NTMT1: variants seen among roughly 807,000 people sequenced by gnomAD.
NTMT1 encodes the protein N-terminal Xaa-Pro-Lys N-methyltransferase 1, also known as N-terminal RCC1 methyltransferase.
In NTMT1, 8 loss-of-function variants were observed where a neutral mutation model predicts 17.5. The observed-to-expected ratio is 0.46, with a 90% CI of 0.27 to 0.82. The LOEUF (loss-of-function observed/expected upper bound fraction) is 0.82, where lower values mean the gene tolerates loss of function less well. Ranked by LOEUF, NTMT1 falls within the 40% of genes least tolerant of loss-of-function variation. NTMT1 has a pLI of 0.15. For missense variants in NTMT1, 221 were observed against 303.5 expected (o/e 0.73, Z 2.02); for synonymous variants, 128 against 126.8 (o/e 1.01, Z -0.06).
upstream of NTMT1, among the ~76,000 whole-genome samples, chr9:129,623,264 C>T (rs10819550): frequency 0.5 from 74,155 of 149,398 alleles, 19,318 homozygotes; most frequent in Non-Finnish European, 0.6. Context: ...ACCCAGGAGG[C>T]GGAGCTTGCA....
chr9:129,617,400 C>G (rs530530336), intron 1 of NTMT1, among the ~76,000 whole-genome samples: 1 of 152,342 alleles, frequency 6.6e-6, no homozygotes, highest in African/African-American at 2.4e-5. Flanking sequence ...GCTCTGCCCA[C>G]CTGCCTGAAA....
Position 129,632,689 on chromosome 9 carries a change from G to T in NTMT1, c.-15G>T, listed in dbSNP as rs1160760739. ...CTGATCGTGGTGCTTGAGTAGAGCC[G>T]TGGTTGGTGACAGCATGACGAGCGA... is the stretch of plus-strand genomic sequence containing the variant. On this transcript the variant is annotated 5_prime_UTR_variant, in exon 2 of 4. Coordinates refer to ENST00000372483, the MANE Select transcript of NTMT1 (RefSeq NM_014064.4). The T allele has an allele frequency of 1.9e-6, 3 of 1,613,698 alleles. No individual in the cohort carries two copies. The Admixed American group carries it at 5.0e-5, about 27-fold the overall frequency.
chr9:129,610,514 G>T (rs1226301975), intron 1 of NTMT1, among the ~76,000 whole-genome samples: 1 of 151,980 alleles, frequency 6.6e-6, no homozygotes. Flanking sequence ...CCCCCCACCC[G>T]CCAGGGCCGG....
intron 1 of NTMT1, among the ~76,000 whole-genome samples, chr9:129,626,807 C>T (rs1292803113): frequency 6.6e-6 from 1 of 152,228 alleles, no homozygotes; most frequent in Non-Finnish European, 1.5e-5. Flanking sequence ...AGAGCCCTTG[C>T]GGCCAAGGTC....
At chr9:129,629,310 G>A (rs924114450) in intron 1 of NTMT1, among the ~76,000 whole-genome samples, 1 of 152,174 alleles carries the variant, frequency 6.6e-6, no homozygotes, top group African/African-American at 2.4e-5. Flanking sequence ...CATTCAGATT[G>A]GTGGCCCTTT....
intron 1 of NTMT1, among the ~76,000 whole-genome samples, chr9:129,609,406 T>C (rs113093414): frequency 6.6e-5 from 10 of 152,134 alleles, no homozygotes; most frequent in African/African-American, 2.4e-4. Context: ...CACAGGACTG[T>C]CCATGACCAA....
intron 1 of NTMT1, chr9:129,619,712 C>G (rs1830575864): frequency 1.9e-6 from 3 of 1,612,828 alleles, no homozygotes; most frequent in Non-Finnish European, 2.5e-6. Flanking sequence ...GCAACCCCGT[C>G]CCCACCAAGA....
intron 1 of NTMT1, chr9:129,619,872 C>T: frequency 1.3e-6 from 2 of 1,599,906 alleles, no homozygotes; most frequent in Non-Finnish European, 8.6e-7. Context: ...GGCTGGGGGA[C>T]GGTCCTTTCT....
At chr9:129,633,038 T>C (rs1831265409) in intron 2 of NTMT1, 173 bp downstream of exon 2, 3 of 616,970 alleles carry the variant, frequency 4.9e-6, no homozygotes, top group Non-Finnish European at 8.3e-6. Context: ...GGGTAACTTC[T>C]AGATTGTGGA....
chr9:129,632,873 G>C lies in NTMT1; in HGVS notation c.162+8G>C, dbSNP rs1371097380. The C allele has an allele frequency of 6.2e-7, 1 of 1,613,144 alleles. No homozygotes were observed. The highest frequency in any genetic ancestry group is 1.3e-5 in the African/African-American group (1 of 74,908). On this transcript the variant is annotated splice_region_variant and intron_variant, in intron 2 of 3. Transcript: ENST00000372483. ...CTGCAGAGGTTTTTGAGGGTAGGCA[G>C]GTCTGGCGTGCTCTCCAGGAGAGGC...
chr9:129,634,463 G>T (rs910274067), intron 3 of NTMT1, 157 bp downstream of exon 3: 1 of 698,676 alleles, frequency 1.4e-6, no homozygotes, highest in Non-Finnish European at 2.2e-6. Flanking sequence ...TACTTCCCAG[G>T]ACTGAGGGAC....
Position 129,610,772 on chromosome 9 carries a change from G to C in NTMT1, c.-55+1594G>C, listed in dbSNP as rs560385776. ...GGCCGGGGCCCGCCGCGACCCTTGG[G>C]GTAAACTGAGGCTCAGAGAGGGCGA... On this transcript the variant is annotated intron_variant, in intron 1 of 3. Transcript: ENST00000372486. Among the ~76,000 whole-genome samples the C allele has an allele frequency of 1.1e-3, 164 of 152,298 alleles. 1 individual carries two copies. Among genetic ancestry groups the C allele is most frequent in the Non-Finnish European group, 2.0e-3 (138 of 68,002 alleles).
At chr9:129,615,508 G>C (rs776911121) in intron 1 of NTMT1, 4 of 1,605,736 alleles carry the variant, frequency 2.5e-6, no homozygotes, top group Middle Eastern at 1.7e-4. Flanking sequence ...TCCCAGTAGC[G>C]GAGCGTTGTG....
chr9:129,635,479 G>A lies in NTMT1; in HGVS notation c.*15G>A. 1 of 1,598,862 alleles carries A rather than the reference G, an allele frequency of 6.3e-7. No homozygotes were observed. Among genetic ancestry groups the A allele is most frequent in the Non-Finnish European group, 8.5e-7 (1 of 1,169,840 alleles). ...CCCTGAGATGAGCCGGGGCTGGCAG[G>A]AGAAACTGAGGAACCACAGTCCTGG... On this transcript the variant is annotated 3_prime_UTR_variant, in exon 4 of 4. Transcript: ENST00000372483.
intron 1 of NTMT1, among the ~76,000 whole-genome samples, chr9:129,609,726 G>A (rs1020059125): frequency 6.6e-6 from 1 of 152,082 alleles, no homozygotes; most frequent in Non-Finnish European, 1.5e-5. Flanking sequence ...TGAATGCCTC[G>A]CTCCCTCTTC....
intron 1 of NTMT1, among the ~76,000 whole-genome samples, chr9:129,616,469 G>A (rs575188782): frequency 4.6e-5 from 7 of 152,070 alleles, no homozygotes; most frequent in African/African-American, 2.4e-5. Flanking sequence ...ACCCCCCTTC[G>A]CCTTCCTAAG....
chr9:129,620,541 C>T lies in NTMT1; in HGVS notation c.-55+11363C>T, dbSNP rs752184672. 2 of 1,405,856 alleles carry T rather than the reference C, an allele frequency of 1.4e-6. No individual in the cohort carries two copies. The highest frequency in any genetic ancestry group is 1.5e-5 in the African/African-American group (1 of 67,458). 87.1% of individuals were successfully genotyped at this position (1,405,856 alleles called of 1,614,324 possible). On this transcript the variant is annotated intron_variant, in intron 1 of 3. Transcript: ENST00000372486. This position sits in a 1 kb window ranked among gnomAD's most constrained non-coding sequence, Gnocchi z 5.8. The stretch of plus-strand genomic sequence containing the variant: ...CCAGGGAGCCCCTTGGGCGCCAGGT[C>T]CTGGGCCCCTGGGCGAAGTCGACGC...
intron 1 of NTMT1, chr9:129,619,914 G>A: frequency 2.0e-6 from 3 of 1,524,032 alleles, no homozygotes; most frequent in South Asian, 2.3e-5. Context: ...TGGCAGACCA[G>A]CCCTCAAGGA....
In NTMT1 at chr9:129,620,699, T is replaced by A; in HGVS notation, c.-55+11521T>A. 1 of 883,712 alleles carries A rather than the reference T, an allele frequency of 1.1e-6. No homozygotes were observed. The highest frequency in any genetic ancestry group is 1.5e-6 in the Non-Finnish European group (1 of 671,066). The allele number at this position is 883,712 out of a possible 1,614,324, so 54.7% of individuals were successfully genotyped here. On this transcript the variant is annotated intron_variant, in intron 1 of 3. Transcript: ENST00000372486. This position sits in a 1 kb window ranked among gnomAD's most constrained non-coding sequence, Gnocchi z 5.8. ...CCGGGCGGGGCAGCGCGGTGCGGGG[T>A]GAACGCCACCGGCCCGGCGGACAGC...
Sources: allele counts gnomAD v4.1 joint callset (sites outside exome capture counted in the v4.1 genomes callset), GRCh38; gene constraint gnomAD v4.1.1; non-coding constraint Gnocchi (gnomAD v3.1); transcripts MANE v1.5; gene names NCBI Gene and HGNC (gene_info 2026-07-23, HGNC 2026-07-21).